Variants in KLHL6 observed in about 807,000 individuals in gnomAD.
KLHL6 encodes kelch-like protein 6.
KLHL6 carries 41 observed loss-of-function variants against 58.6 expected under a neutral mutation model. That is an observed-to-expected ratio of 0.70 (90% CI 0.55 to 0.91). The LOEUF (loss-of-function observed/expected upper bound fraction) is 0.91, where lower values mean the gene tolerates loss of function less well. KLHL6 is among the 40% of genes least tolerant of loss of function. The pLI is 0.00. For missense variants in KLHL6, 714 were observed against 805.6 expected (o/e 0.89, Z 1.38); for synonymous variants, 338 against 322.7 (o/e 1.05, Z -0.51).
At chr3:183,506,190 C>T (rs1271832310) in intron 3 of KLHL6, among the ~76,000 whole-genome samples, 5 of 152,180 alleles carry the variant, frequency 3.3e-5, no homozygotes, top group African/African-American at 1.2e-4. Context: ...AACAAACTGT[C>T]CCTATATCAT....
chr3:183,488,781 TAA>T lies in KLHL6; in HGVS notation c.*3144_*3145del, dbSNP rs1477962113. 1 of 152,258 alleles carries T rather than the reference TAA, an allele frequency of 6.6e-6. No individual in the cohort carries two copies. Among genetic ancestry groups the T allele is most frequent in the Non-Finnish European group, 1.5e-5 (1 of 68,060 alleles). The allele number at this position is 152,258 out of a possible 1,614,324, so 9.4% of individuals were successfully genotyped here. On this transcript the variant is annotated 3_prime_UTR_variant, in exon 7 of 7. Transcript: ENST00000341319. ...AAGCTAAAACCCTGATGACTATTCT[TAA>T]GTTTCCCCCAAATGACTTGAACTTT... is the stretch of plus-strand genomic sequence containing the variant.
chr3:183,549,560 G>A lies in KLHL6; in HGVS notation c.293+5801C>T, dbSNP rs374906948. 7.9e-5 allele frequency among the ~76,000 whole-genome samples: 12 copies of A among 152,336 alleles called. No individual in the cohort carries two copies. The South Asian group carries it at 2.3e-3, about 29-fold the overall frequency. Reference sequence around the variant, plus strand: ...GTCTTGCTCTGTTGCCCCGGCTGGAGTGCAGTGGCATGATCTTGGCTCACT... The same window carrying A: ...GTCTTGCTCTGTTGCCCCGGCTGGAATGCAGTGGCATGATCTTGGCTCACT... On this transcript the variant is annotated intron_variant, in intron 1 of 6. Coordinates refer to ENST00000341319, the MANE Select transcript of KLHL6 (RefSeq NM_130446.4).
intron 1 of KLHL6, among the ~76,000 whole-genome samples, chr3:183,538,858 C>A (rs1712449767): frequency 6.6e-6 from 1 of 152,282 alleles, no homozygotes; most frequent in South Asian, 2.1e-4. Context: ...TCATATGGAT[C>A]CTGTCTCAAT....
rs565268220 is a variant in KLHL6, at chr3:183,488,092, C to G, written c.*3835G>C. ...GGTGTATGTGTATATGTGTGTTTCC[C>G]GAAGCCATTGAGACCAGAATAGATG... On this transcript the variant is annotated 3_prime_UTR_variant, in exon 7 of 7. Coordinates refer to ENST00000341319, the MANE Select transcript of KLHL6 (RefSeq NM_130446.4). 6.6e-6 allele frequency: 1 copy of G among 152,132 alleles called. No individual in the cohort carries two copies. Among genetic ancestry groups the G allele is most frequent in the Non-Finnish European group, 1.5e-5 (1 of 68,012 alleles). 9.4% of individuals were successfully genotyped at this position (152,132 alleles called of 1,614,324 possible).
chr3:183,520,960 C>A (rs1446532829), intron 2 of KLHL6: 1 of 152,168 alleles, frequency 6.6e-6, no homozygotes, highest in African/African-American at 2.4e-5. Flanking sequence ...TCAGGTCTTT[C>A]CCTTCCCACG....
At chr3:183,551,463 A>G (rs1253869177) in intron 1 of KLHL6, among the ~76,000 whole-genome samples, 1 of 152,226 alleles carries the variant, frequency 6.6e-6, no homozygotes, top group Admixed American at 6.5e-5. Flanking sequence ...AAATGAGTGA[A>G]TTAATAACTT....
At chr3:183,493,339 G>C (rs2662768) in intron 5 of KLHL6, 1 of 154,804 alleles carries the variant, frequency 6.5e-6, no homozygotes, top group Non-Finnish European at 1.4e-5. Flanking sequence ...AAGATCCTGG[G>C]CATGTCCCCC....
intron 3 of KLHL6, among the ~76,000 whole-genome samples, chr3:183,507,501 G>C (rs180832443): frequency 1.3e-5 from 2 of 151,848 alleles, no homozygotes; most frequent in Admixed American, 1.3e-4. Context: ...GCGTGATCTC[G>C]GCTCACTACA....
At chr3:183,530,124 T>C (rs1035408618) in intron 1 of KLHL6, among the ~76,000 whole-genome samples, 10 of 152,106 alleles carry the variant, frequency 6.6e-5, no homozygotes, top group African/African-American at 2.4e-4. Flanking sequence ...TGTTTTGTTA[T>C]GGCAACCCAA....
rs1479389977 is a variant in KLHL6 at position 183,499,615 on chromosome 3, T to C, written c.1122A>G (p.Thr374=). 6 of 1,601,884 alleles carry C rather than the reference T, an allele frequency of 3.7e-6. No individual in the cohort carries two copies. The highest frequency in any genetic ancestry group is 5.1e-6 in the Non-Finnish European group (6 of 1,173,576). Reference sequence around the variant, plus strand: ...CTGAGATGTAGACCTCATTTTTCAATGTCACGCATGCAAACTCCACCCACT... The same window carrying C: ...CTGAGATGTAGACCTCATTTTTCAACGTCACGCATGCAAACTCCACCCACT... ...NKKWVEFACV[T]LKNEVYISGG... is the part of the protein sequence containing the mutation. The change falls in exon 4 of 7, where the codon ACA becomes ACG. Residue 374 remains threonine, a synonymous_variant. Coordinates refer to ENST00000341319, the MANE Select transcript of KLHL6 (RefSeq NM_130446.4). This position sits in a 1 kb window ranked among gnomAD's most constrained non-coding sequence, Gnocchi z 4.6.
intron 1 of KLHL6, among the ~76,000 whole-genome samples, chr3:183,542,267 T>C: frequency 6.6e-6 from 1 of 152,230 alleles, no homozygotes; most frequent in Non-Finnish European, 1.5e-5. Context: ...ATCTCTTTCC[T>C]ACTTAAAGAC....
In KLHL6 at chr3:183,546,161, AG is replaced by A. The variant is rs1318137253; in HGVS notation, c.293+9199del. On this transcript the variant is annotated intron_variant, in intron 1 of 6. Transcript: ENST00000341319. ...TATCCAGGGCTCCTCACAGTTTTGC[AG>A]GGAGCAGAGGAGTGAACGTGCTAAT... Among the ~76,000 whole-genome samples the A allele has an allele frequency of 1.3e-5, 2 of 152,178 alleles. 1 individual carries two copies. Among genetic ancestry groups the A allele is most frequent in the Admixed American group, 1.3e-4 (2 of 15,284 alleles).
At position 183,527,658 on chromosome 3, in the gene KLHL6, C is replaced by T. The variant is rs557629665; in HGVS notation, c.459+187G>A. ...TCTGAGAAATTTTCCAAAAGAGCAT[C>T]TTCTAACTTTCAAGTAAGCACAAGC... is the stretch of plus-strand genomic sequence containing the variant. On this transcript the variant is annotated intron_variant, in intron 2 of 6. Coordinates refer to ENST00000341319, the MANE Select transcript of KLHL6 (RefSeq NM_130446.4). Among the ~76,000 whole-genome samples the T allele has an allele frequency of 7.2e-5, 11 of 152,228 alleles. No homozygotes were observed. In the South Asian group the frequency reaches 8.3e-4, roughly 11 times the overall value.
intron 4 of KLHL6, among the ~76,000 whole-genome samples, chr3:183,495,321 T>C (rs1577175000): frequency 6.6e-6 from 1 of 152,336 alleles, no homozygotes; most frequent in Non-Finnish European, 1.5e-5. Flanking sequence ...CTTTTATTTA[T>C]TTATTTTTTT....
chr3:183,549,124 G>A lies in KLHL6; in HGVS notation c.293+6237C>T, dbSNP rs113313721. Among the ~76,000 whole-genome samples the A allele has an allele frequency of 1.4e-4, 21 of 148,456 alleles. No homozygotes were observed. The East Asian group carries it at 2.1e-3, about 15-fold the overall frequency. On this transcript the variant is annotated intron_variant, in intron 1 of 6. Coordinates refer to ENST00000341319, the MANE Select transcript of KLHL6 (RefSeq NM_130446.4). ...ACGTGTATACCTATGTAACAAACCC[G>A]CGCATTCTGCACATGTATCCCAGAA...
chr3:183,499,892 G>T lies in KLHL6; in HGVS notation c.910-65C>A. ...AAAGTTTCAGAGCTCGGGCTATGGA[G>T]CCATTAGGAGTCGGGTCCAATTCCC... On this transcript the variant is annotated intron_variant, in intron 3 of 6. Transcript: ENST00000341319. This position sits in a 1 kb window ranked among gnomAD's most constrained non-coding sequence, Gnocchi z 4.6. The T allele has an allele frequency of 7.9e-7, 1 of 1,262,126 alleles. No homozygotes were observed. The highest frequency in any genetic ancestry group is 1.1e-6 in the Non-Finnish European group (1 of 921,636). The allele number at this position is 1,262,126 out of a possible 1,614,324, so 78.2% of individuals were successfully genotyped here. A position where few individuals can be genotyped will look rare whatever the true frequency, so the allele number is the denominator to read the frequency against.
intron 1 of KLHL6, among the ~76,000 whole-genome samples, chr3:183,549,656 G>C (rs1712844622): frequency 6.6e-6 from 1 of 152,130 alleles, no homozygotes; most frequent in South Asian, 2.1e-4. Flanking sequence ...CTACAGGCAT[G>C]TGCCACCACG....
At position 183,555,376 on chromosome 3, in the gene KLHL6, G is replaced by C. The variant is rs768999146; in HGVS notation, c.278C>G (p.Ala93Gly). Residue 93 changes from alanine to glycine, a missense_variant, in exon 1 of 7, where the codon GCC becomes GGC. Physicochemically the swap from Ala to Gly is moderately conservative, Grantham distance 60 (BLOSUM62 0). Coordinates refer to ENST00000341319, the MANE Select transcript of KLHL6 (RefSeq NM_130446.4). Reference protein sequence around the residue: ...FSCHRVVLAAASNYFRAMFCN... With the variant: ...FSCHRVVLAAGSNYFRAMFCN... ...GCATGCTGACCTGAAATAGTTGCTG[G>C]CTGCGGCAAGCACCACGCGGTGGCA... 1 of 1,613,960 alleles carries C rather than the reference G, an allele frequency of 6.2e-7. No homozygotes were observed. The highest frequency in any genetic ancestry group is 1.7e-5 in the Admixed American group (1 of 60,002).
At chr3:183,515,652 C>G (rs1229495573) in intron 2 of KLHL6, among the ~76,000 whole-genome samples, 1 of 152,228 alleles carries the variant, frequency 6.6e-6, no homozygotes, top group Non-Finnish European at 1.5e-5. Context: ...TTCTCCTATT[C>G]CCCAACATGG....
Sources: allele counts gnomAD v4.1 joint callset (sites outside exome capture counted in the v4.1 genomes callset), GRCh38; gene constraint gnomAD v4.1.1; non-coding constraint Gnocchi (gnomAD v3.1); transcripts MANE v1.5; gene names NCBI Gene and HGNC (gene_info 2026-07-23, HGNC 2026-07-21).